The following NUP210 variants were observed in gnomAD, a reference collection of about 807,000 sequenced individuals.
The protein encoded by NUP210 is nucleoporin 210.
NUP210 carries 151 observed loss-of-function variants against 196.0 expected under a neutral mutation model. The ratio of observed to expected loss-of-function variants is 0.77; its 90% CI spans 0.67 to 0.88. The LOEUF is 0.88. Ranked by LOEUF, NUP210 falls within the 40% of genes least tolerant of loss-of-function variation. The pLI is 0.00. For synonymous variants in NUP210, 1,070 were observed against 1,052.7 expected (o/e 1.02, Z -0.32); for missense variants, 2,314 against 2,493.7 (o/e 0.93, Z 1.53).
chr3:13,405,275 C>T (rs1017207583), intron 1 of NUP210, among the ~76,000 whole-genome samples: 7 of 152,162 alleles, frequency 4.6e-5, no homozygotes, highest in South Asian at 2.1e-4. Context: ...GGAGAATTCC[C>T]GCTCTGGGCC....
chr3:13,418,109 C>T (rs1700405829), intron 1 of NUP210, among the ~76,000 whole-genome samples: 1 of 152,232 alleles, frequency 6.6e-6, no homozygotes. Flanking sequence ...ATCCCCGCCA[C>T]AGTATTGACT....
intron 9 of NUP210, among the ~76,000 whole-genome samples, chr3:13,377,089 T>A (rs535757018): frequency 7.2e-5 from 11 of 152,300 alleles, no homozygotes; most frequent in Admixed American, 4.6e-4. Flanking sequence ...GCTCCGTGAC[T>A]CTCTGCAGGG....
In NUP210 at chr3:13,336,910, G is replaced by C. The variant is rs1559313871; in HGVS notation, c.3561C>G (p.Ile1187Met). Residue 1187 changes from isoleucine (I) to methionine (M), a missense_variant, in exon 27 of 40, where the codon ATC becomes ATG. Physicochemically the swap from Ile to Met is conservative, Grantham distance 10. Coordinates refer to ENST00000254508, the MANE Select transcript of NUP210 (RefSeq NM_024923.4). ...GGTGGTTGGTGATGCCGGTGACATA[G>C]ATGGGCATCTGCAGGGGAGAAGTCA... ...MRMRTGTQMP[I>M]YVTGITNHQN... 6.2e-7 allele frequency: 1 copy of C among 1,613,558 alleles called. No individual in the cohort carries two copies. Among genetic ancestry groups the C allele is most frequent in the Non-Finnish European group, 8.5e-7 (1 of 1,179,710 alleles).
intron 11 of NUP210, among the ~76,000 whole-genome samples, chr3:13,374,496 G>C (rs1242551516): frequency 6.6e-6 from 1 of 152,272 alleles, no homozygotes; most frequent in East Asian, 1.9e-4. Flanking sequence ...GGTCTGGCTA[G>C]AGGCTCCCCC....
intron 1 of NUP210, among the ~76,000 whole-genome samples, chr3:13,413,613 G>A (rs558044938): frequency 5.3e-5 from 8 of 152,324 alleles, no homozygotes; most frequent in East Asian, 1.9e-4. Flanking sequence ...GACTCTAGGC[G>A]TCTGCCTGTT....
intron 6 of NUP210, among the ~76,000 whole-genome samples, chr3:13,381,058 G>T (rs1699082351): frequency 6.6e-6 from 1 of 152,238 alleles, no homozygotes; most frequent in African/African-American, 2.4e-5. Context: ...GGCTAGAATT[G>T]AGAATCCCAA....
chr3:13,414,530 T>C (rs1700282530), intron 1 of NUP210, among the ~76,000 whole-genome samples: 2 of 152,148 alleles, frequency 1.3e-5, no homozygotes, highest in Admixed American at 1.3e-4. Flanking sequence ...GACCTGGCAT[T>C]CTCCTTCCTG....
At chr3:13,386,165 G>A in intron 6 of NUP210, 110 bp downstream of exon 6, 1 of 1,193,846 alleles carries the variant, frequency 8.4e-7, no homozygotes. Flanking sequence ...GATGCTACCT[G>A]ATGGAGCACT....
chr3:13,397,631 T>C, intron 2 of NUP210, 143 bp from the exon 3 acceptor site: 2 of 757,630 alleles, frequency 2.6e-6, no homozygotes, highest in Non-Finnish European at 3.9e-6. Flanking sequence ...GCCTCACACA[T>C]GGCCCCACTG....
chr3:13,395,184 G>T (rs1377305892), intron 3 of NUP210, among the ~76,000 whole-genome samples: 1 of 152,174 alleles, frequency 6.6e-6, no homozygotes, highest in African/African-American at 2.4e-5. Context: ...GAAGGCTGAG[G>T]CAGGCACCTC....
chr3:13,375,715 C>T, intron 10 of NUP210, 74 bp from the exon 11 acceptor site: 2 of 1,505,484 alleles, frequency 1.3e-6, no homozygotes, highest in Admixed American at 3.6e-5. Flanking sequence ...CACCGGACCC[C>T]CACCCCTCCC....
intron 6 of NUP210, among the ~76,000 whole-genome samples, chr3:13,382,027 T>C (rs1699119258): frequency 1.3e-5 from 2 of 152,182 alleles, no homozygotes; most frequent in Non-Finnish European, 2.9e-5. Context: ...GCCTGCCAGA[T>C]TCAAAGTTCC....
intron 20 of NUP210, among the ~76,000 whole-genome samples, chr3:13,351,349 G>C (rs560125282): frequency 2.6e-5 from 4 of 152,318 alleles, no homozygotes; most frequent in African/African-American, 9.6e-5. Flanking sequence ...AGGATTGATT[G>C]AAAGGAAACC....
intron 6 of NUP210, among the ~76,000 whole-genome samples, chr3:13,380,742 G>T (rs1699072578): frequency 6.6e-6 from 1 of 152,128 alleles, no homozygotes; most frequent in Non-Finnish European, 1.5e-5. Flanking sequence ...CCCCATAGAG[G>T]GTGCCAGGTC....
chr3:13,354,889 C>T (rs1027875136), intron 16 of NUP210, among the ~76,000 whole-genome samples: 1 of 152,216 alleles, frequency 6.6e-6, no homozygotes, highest in Non-Finnish European at 1.5e-5. Flanking sequence ...TCTCGCTCCC[C>T]GAGCGGACTC....
At chr3:13,322,107 G>T in intron 35 of NUP210, 86 bp downstream of exon 35, 1 of 1,497,784 alleles carries the variant, frequency 6.7e-7, no homozygotes, top group Non-Finnish European at 9.2e-7. Context: ...GACGGCCATG[G>T]TGAGCTGGGC....
chr3:13,342,421 T>C lies in NUP210; in HGVS notation c.2965-298A>G, dbSNP rs552539841. Reference sequence around the variant, plus strand: ...CAGCATCCAGTAGGAGCTCAATAAATGCTCACTGACTGAACAGCTCACACC... The same window carrying C: ...CAGCATCCAGTAGGAGCTCAATAAACGCTCACTGACTGAACAGCTCACACC... On this transcript the variant is annotated intron_variant, in intron 21 of 39. Transcript: ENST00000254508. Among the ~76,000 whole-genome samples the C allele has an allele frequency of 6.6e-5, 10 of 152,288 alleles. No individual in the cohort carries two copies. The East Asian group carries it at 1.5e-3, about 23-fold the overall frequency.
intron 20 of NUP210, among the ~76,000 whole-genome samples, chr3:13,343,716 GGC>G (rs2124865333): frequency 6.6e-6 from 1 of 152,344 alleles, no homozygotes; most frequent in African/African-American, 2.4e-5. Context: ...ATCCTGAGCT[GGC>G]CACCTGCTGC....
intron 13 of NUP210, among the ~76,000 whole-genome samples, chr3:13,370,696 C>G (rs746953618): frequency 2.6e-5 from 4 of 152,214 alleles, no homozygotes; most frequent in Non-Finnish European, 5.9e-5. Flanking sequence ...CTCCTGGATG[C>G]AGTATGCTCA....
Sources: allele counts gnomAD v4.1 joint callset (sites outside exome capture counted in the v4.1 genomes callset), GRCh38; gene constraint gnomAD v4.1.1; transcripts MANE v1.5; gene names NCBI Gene and HGNC (gene_info 2026-07-23, HGNC 2026-07-21).